The following ABCA8 variants were observed in gnomAD, a reference collection of about 807,000 sequenced individuals.
ABCA8 encodes the protein ATP binding cassette subfamily A member 8.
A neutral mutation model predicts 192.3 loss-of-function variants in ABCA8; 177 were observed. The ratio of observed to expected loss-of-function variants is 0.92; its 90% confidence interval spans 0.81 to 1.04. The LOEUF is 1.04. Ranked by LOEUF, ABCA8 falls within the 50% of genes least tolerant of loss-of-function variation. ABCA8 has a pLI of 0.00. For missense variants in ABCA8, 1,915 were observed against 1,904.8 expected, an observed-to-expected ratio of 1.01 and a Z score of -0.10; for synonymous variants, 642 against 690.2, an observed-to-expected ratio of 0.93 and a Z score of 1.09.
chr17:68,943,717 C>G (rs2068297773), intron 2 of ABCA8, among the ~76,000 whole-genome samples: 1 of 152,120 alleles, frequency 6.6e-6, no homozygotes, highest in Non-Finnish European at 1.5e-5. Context: ...AAAGACATGG[C>G]TACTATAAAA....
chr17:68,869,886 A>ACC, intron 37 of ABCA8, 107 bp from the exon 38 acceptor site: 1 of 758,204 alleles, frequency 1.3e-6, no homozygotes. Context: ...TGGTGTTAGG[A>ACC]ACATTTAACA....
intron 2 of ABCA8, among the ~76,000 whole-genome samples, chr17:68,946,862 A>T (rs1043200739): frequency 1.3e-5 from 2 of 151,988 alleles, no homozygotes; most frequent in Non-Finnish European, 2.9e-5. Flanking sequence ...AATCGCTTGA[A>T]CCCAGGAGGC....
chr17:68,883,705 C>T (rs1021138742), intron 29 of ABCA8, 86 bp downstream of exon 29: 4 of 858,264 alleles, frequency 4.7e-6, no homozygotes, highest in African/African-American at 3.4e-5. Context: ...CACAACGGCA[C>T]CTCTTTGTTA....
chr17:68,902,492 C>G (rs116065501), intron 21 of ABCA8, among the ~76,000 whole-genome samples: 9 of 152,192 alleles, frequency 5.9e-5, no homozygotes, highest in African/African-American at 2.2e-4. Flanking sequence ...TTGGTACAAA[C>G]GCTTTCATTT....
At chr17:68,905,225 T>C (rs1373067) in intron 19 of ABCA8, among the ~76,000 whole-genome samples, 61,106 of 151,922 alleles carry the variant, frequency 0.4, 13,419 homozygotes, top group African/African-American at 0.59. Context: ...GTAACATCCA[T>C]GATAAAATAC....
At position 68,918,118 on chromosome 17, in the gene ABCA8, A is replaced by G; in HGVS notation, c.1976T>C (p.Leu659Pro). The change falls in exon 16 of 40, where the codon CTG becomes CCG. Residue 659 changes from leucine (L) to proline (P), a missense_variant. Physicochemically the swap from Leu to Pro is moderately conservative, Grantham distance 98. Transcript: ENST00000586539. ...PFSRHQVWNL[L>P]KERKTDRVIL... is the part of the protein sequence containing the mutation. Reference sequence around the variant, plus strand: ...CACGCGGTCTGTTTTGCGTTCTTTCAGAAGGTTCCATACTTGGTGTCTTGA... The same window carrying G: ...CACGCGGTCTGTTTTGCGTTCTTTCGGAAGGTTCCATACTTGGTGTCTTGA... 1.2e-6 allele frequency: 2 copies of G among 1,614,190 alleles called. No homozygotes were observed. Among genetic ancestry groups the G allele is most frequent in the Non-Finnish European group, 1.7e-6 (2 of 1,180,022 alleles).
At chr17:68,924,605 C>G (rs1598268178) in intron 11 of ABCA8, 96 bp downstream of exon 11, 2 of 1,364,846 alleles carry the variant, frequency 1.5e-6, no homozygotes, top group East Asian at 4.6e-5. Context: ...CAGGTGGGAA[C>G]TGTCTACAGA....
intron 23 of ABCA8, among the ~76,000 whole-genome samples, chr17:68,892,996 G>A (rs577626078): frequency 5.0e-4 from 76 of 152,214 alleles, no homozygotes; most frequent in African/African-American, 1.7e-3. Context: ...GTGGCAGAGC[G>A]AGACCCTGCC....
In ABCA8 at chr17:68,867,508, GT is replaced by G. The variant is rs910449524; in HGVS notation, c.*576del. ...AGTACAATATATTTGAAATAGTAGG[GT>G]TTTTGTTTTCCATTTATGCCTACAT... On this transcript the variant is annotated 3_prime_UTR_variant, in exon 40 of 40. Transcript: ENST00000586539. 1 of 152,048 alleles carries G rather than the reference GT, an allele frequency of 6.6e-6. No homozygotes were observed. 9.4% of individuals were successfully genotyped at this position (152,048 alleles called of 1,614,324 possible).
chr17:68,940,884 G>A lies in ABCA8; in HGVS notation c.175C>T (p.Leu59=), dbSNP rs191367075. The A allele has an allele frequency of 4.8e-5, 78 of 1,612,972 alleles. No individual in the cohort carries two copies. Among genetic ancestry groups the A allele is most frequent in the Non-Finnish European group, 6.4e-5 (76 of 1,179,186 alleles). Residue 59 remains leucine (L), a synonymous_variant, in exon 4 of 40, where the codon CTG becomes TTG. Coordinates refer to ENST00000586539, the MANE Select transcript of ABCA8 (RefSeq NM_001288985.2). ...ACCCGTCCCAGGTCCATGGTAAGCA[G>A]TGAAGAAAAATCATTTACTTGATGA... ...HSHQVNDFSS[L]LTMDLGRVDT... is the part of the protein sequence containing the mutation.
At chr17:68,915,680 A>C (rs1181046179) in intron 17 of ABCA8, among the ~76,000 whole-genome samples, 1 of 152,194 alleles carries the variant, frequency 6.6e-6, no homozygotes, top group Admixed American at 6.5e-5. Flanking sequence ...GTTGGTGGGA[A>C]TGTAAATTAG....
chr17:68,907,557 T>C (rs1186951062), intron 18 of ABCA8, among the ~76,000 whole-genome samples, 183 bp downstream of exon 18: 3 of 152,300 alleles, frequency 2.0e-5, no homozygotes, highest in Admixed American at 6.5e-5. Flanking sequence ...AATACAACTA[T>C]TAGAATGTAA....
At position 68,911,680 on chromosome 17, in the gene ABCA8, G is replaced by T. The variant is rs1018607086; in HGVS notation, c.2139-3801C>A. Among the ~76,000 whole-genome samples the T allele has an allele frequency of 1.3e-5, 2 of 151,834 alleles. No homozygotes were observed. On this transcript the variant is annotated intron_variant, in intron 17 of 39. Transcript: ENST00000586539. The surrounding 1 kb of genome is among the most constrained non-coding windows in gnomAD (Gnocchi z 5.7). ...GATCTGACCCAGCATAATCCTAGTGGTGGTGGCCACAGGGGTGCTTGTGTC... is the reference window on the plus strand; with the variant it reads ...GATCTGACCCAGCATAATCCTAGTGTTGGTGGCCACAGGGGTGCTTGTGTC...
At position 68,919,166 on chromosome 17, in the gene ABCA8, A is replaced by G. The variant is rs374420175; in HGVS notation, c.1788+135T>C. The stretch of plus-strand genomic sequence containing the variant: ...TTGTAAATTATATGCAATGTTAGCT[A>G]TTGTTTAAATTGGATTTTCTTGTCC... On this transcript the variant is annotated intron_variant, in intron 14 of 39. Transcript: ENST00000586539. 3.5e-4 allele frequency: 268 copies of G among 755,754 alleles called. 1 individual carries two copies. In the East Asian group the frequency reaches 4.9e-3, roughly 14 times the overall value. 46.8% of individuals were successfully genotyped at this position (755,754 alleles called of 1,614,324 possible). A position where few individuals can be genotyped will look rare whatever the true frequency, so the allele number is the denominator to read the frequency against.
intron 2 of ABCA8, among the ~76,000 whole-genome samples, chr17:68,943,509 C>A (rs2068293155): frequency 6.6e-6 from 1 of 152,174 alleles, no homozygotes; most frequent in Non-Finnish European, 1.5e-5. Flanking sequence ...ACTTACAATG[C>A]ATAAATTCTC....
intron 22 of ABCA8, 158 bp downstream of exon 22, chr17:68,894,722 G>A (rs2066702175): frequency 1.3e-6 from 1 of 753,160 alleles, no homozygotes; most frequent in Non-Finnish European, 2.0e-6. Context: ...GACAATGATG[G>A]ATATATGAAT....
chr17:68,895,472 C>T (rs2066726724), intron 21 of ABCA8, among the ~76,000 whole-genome samples: 1 of 152,086 alleles, frequency 6.6e-6, no homozygotes, highest in Non-Finnish European at 1.5e-5. Flanking sequence ...TATAAAAATT[C>T]CTAAAAAACC....
Position 68,932,377 on chromosome 17 carries a change from G to A in ABCA8, c.708C>T (p.Phe236=). The A allele has an allele frequency of 1.2e-6, 2 of 1,613,972 alleles. No individual in the cohort carries two copies. The highest frequency in any genetic ancestry group is 1.7e-6 in the Non-Finnish European group (2 of 1,179,886). ...LFSCIISFSS[F]IYYASVNVTR... Reference sequence around the variant, plus strand: ...TGACATTAACAGATGCATAGTAAATGAATGAGGAAAATGAAATAATGCAGG... The same window carrying A: ...TGACATTAACAGATGCATAGTAAATAAATGAGGAAAATGAAATAATGCAGG... Residue 236 remains phenylalanine, a synonymous_variant, in exon 7 of 40, where the codon TTC becomes TTT. Coordinates refer to ENST00000586539, the MANE Select transcript of ABCA8 (RefSeq NM_001288985.2).
At chr17:68,892,884 C>G (rs2066648976) in intron 23 of ABCA8, among the ~76,000 whole-genome samples, 1 of 152,102 alleles carries the variant, frequency 6.6e-6, no homozygotes, top group African/African-American at 2.4e-5. Context: ...GTGACTCACA[C>G]CTGTAATCCC....
Sources: allele counts gnomAD v4.1 joint callset (sites outside exome capture counted in the v4.1 genomes callset), GRCh38; gene constraint gnomAD v4.1.1; non-coding constraint Gnocchi (gnomAD v3.1); transcripts MANE v1.5; gene names NCBI Gene and HGNC (gene_info 2026-07-23, HGNC 2026-07-21).